HDAC5: variants seen among roughly 807,000 people sequenced by gnomAD.
HDAC5 encodes antigen NY-CO-9.
A neutral mutation model predicts 133.3 loss-of-function variants in HDAC5; 25 were observed. The ratio of observed to expected loss-of-function variants is 0.19; its 90% CI spans 0.14 to 0.26. The LOEUF is 0.26. Among genes scored for constraint, HDAC5 ranks in the 10% least tolerant of loss-of-function variants. The pLI is 1.00. For missense variants in HDAC5, 1,041 were observed against 1,460.5 expected (o/e 0.71, Z 4.68); for synonymous variants, 589 against 610.8 (o/e 0.96, Z 0.53).
chr17:44,079,988 A>C (rs1049648799), intron 23 of HDAC5, 119 bp downstream of exon 23: 2 of 774,370 alleles, frequency 2.6e-6, no homozygotes, highest in African/African-American at 3.4e-5. Context: ...TTCCAAGTCT[A>C]GGCCCTGCCC....
intron 23 of HDAC5, 28 bp downstream of exon 23, chr17:44,080,079 T>C: frequency 6.7e-7 from 1 of 1,488,928 alleles, no homozygotes; most frequent in South Asian, 1.1e-5. Context: ...CTGTTTCACT[T>C]CCTCCCTCAA....
At chr17:44,111,184 C>T (rs1274013018) in intron 2 of HDAC5, 1 of 338,892 alleles carries the variant, frequency 3.0e-6, no homozygotes, top group African/African-American at 2.1e-5. Flanking sequence ...TCCCTCCCAA[C>T]CCTGGGTGAC....
chr17:44,118,346 C>T (rs1053111726), intron 1 of HDAC5, among the ~76,000 whole-genome samples: 1 of 152,200 alleles, frequency 6.6e-6, no homozygotes, highest in African/African-American at 2.4e-5. Flanking sequence ...AGGGCCCAAG[C>T]CCAGCACTTT....
chr17:44,082,686 A>C lies in HDAC5; in HGVS notation c.2520-14T>G. On this transcript the variant is annotated splice_polypyrimidine_tract_variant and intron_variant, in intron 19 of 26. Transcript: ENST00000682912. ...AAGCAGAATCCCCTGAGGAGGGGAG[A>C]AAAGGGCAGGAGGTCAGCCTCAGCA... 6.2e-7 allele frequency: 1 copy of C among 1,613,024 alleles called. No individual in the cohort carries two copies. The highest frequency in any genetic ancestry group is 8.5e-7 in the Non-Finnish European group (1 of 1,179,052).
chr17:44,083,479 C>A (rs2050494523), intron 18 of HDAC5, 66 bp downstream of exon 18: 1 of 1,169,822 alleles, frequency 8.5e-7, no homozygotes, highest in Admixed American at 1.9e-5. Context: ...CAAGGCTGCC[C>A]CTGTCCTCTG....
chr17:44,121,848 C>T (rs1443713629), intron 1 of HDAC5, among the ~76,000 whole-genome samples: 1 of 152,144 alleles, frequency 6.6e-6, no homozygotes, highest in Non-Finnish European at 1.5e-5. Flanking sequence ...TTTCCTCCAT[C>T]CTTGCCCCCA....
chr17:44,091,234 T>C (rs758945835), intron 11 of HDAC5, 36 bp downstream of exon 11: 15 of 1,522,050 alleles, frequency 9.9e-6, no homozygotes, highest in Middle Eastern at 1.7e-4. Flanking sequence ...GTCCTGACCT[T>C]AGCCCCCTCC....
At position 44,079,132 on chromosome 17, in the gene HDAC5, C is replaced by G. The variant is rs772288201; in HGVS notation, c.3078+12G>C. ...CTGGCCTGCCACCTCCCAGCTCCTTCCCACCCCTTACCTCTACACTGAGCA... is the reference window on the plus strand; with the variant it reads ...CTGGCCTGCCACCTCCCAGCTCCTTGCCACCCCTTACCTCTACACTGAGCA... On this transcript the variant is annotated intron_variant, in intron 24 of 26. Transcript: ENST00000682912. The G allele has an allele frequency of 1.4e-5, 22 of 1,607,188 alleles. No individual in the cohort carries two copies. The highest frequency in any genetic ancestry group is 1.8e-5 in the Non-Finnish European group (21 of 1,175,034).
At chr17:44,084,333 C>A (rs550985129) in intron 16 of HDAC5, among the ~76,000 whole-genome samples, 2 of 152,162 alleles carry the variant, frequency 1.3e-5, no homozygotes, top group Admixed American at 6.5e-5. Context: ...AGCAGTCCCC[C>A]CAACCGAGCA....
intron 14 of HDAC5, 65 bp downstream of exon 14, chr17:44,086,507 G>A: frequency 2.4e-6 from 3 of 1,237,438 alleles, no homozygotes; most frequent in Non-Finnish European, 3.1e-6. Context: ...CCTGCCATGG[G>A]GCAGACACCA....
chr17:44,080,528 C>T (rs1225626993), intron 21 of HDAC5, 30 bp from the exon 22 acceptor site: 2 of 1,606,686 alleles, frequency 1.2e-6, no homozygotes, highest in African/African-American at 2.7e-5. Flanking sequence ...GAGGGCTATT[C>T]TCACCACCTG....
chr17:44,118,684 C>T lies in HDAC5; in HGVS notation c.-189-980G>A, dbSNP rs59908555. Among the ~76,000 whole-genome samples the T allele has an allele frequency of 3.9e-3, 594 of 152,270 alleles. 3 individuals carry two copies. The highest frequency in any genetic ancestry group is 0.014 in the African/African-American group (573 of 41,540). On this transcript the variant is annotated intron_variant, in intron 1 of 26. Coordinates refer to ENST00000682912, the MANE Select transcript of HDAC5 (RefSeq NM_005474.5). ...TCCCTAAACGGCCCACGATCCACCC[C>T]AGACATGATCTCATTCATTTGCTTC...
chr17:44,119,728 G>T (rs556034289), intron 1 of HDAC5, among the ~76,000 whole-genome samples: 12 of 152,316 alleles, frequency 7.9e-5, no homozygotes, highest in African/African-American at 2.9e-4. Flanking sequence ...GTCTGATCGG[G>T]ACAAGCACAG....
At chr17:44,102,595 G>T (rs1170501467) in intron 3 of HDAC5, among the ~76,000 whole-genome samples, 1 of 151,636 alleles carries the variant, frequency 6.6e-6, no homozygotes, top group Non-Finnish European at 1.5e-5. Flanking sequence ...TCTTGACCTC[G>T]TGATCCGCCT....
In HDAC5 at chr17:44,087,504, C is replaced by T; in HGVS notation, c.1792G>A (p.Glu598Lys). 1 of 1,600,958 alleles carries T rather than the reference C, an allele frequency of 6.2e-7. No individual in the cohort carries two copies. The highest frequency in any genetic ancestry group is 8.6e-7 in the Non-Finnish European group (1 of 1,168,076). Residue 598 changes from glutamate to lysine, a missense_variant, in exon 13 of 27, where the codon GAG (glutamate) becomes AAG (lysine). Glu to Lys is a moderately conservative substitution (Grantham distance 56). This residue lies in a region of HDAC5 where 433 missense variants were observed against 531.6 expected (regional missense o/e 0.81). Coordinates refer to ENST00000682912, the MANE Select transcript of HDAC5 (RefSeq NM_005474.5). ...TCCTTAACCTGGATGCAATCCTCCT[C>T]CTCCTCCCCATCGTCTTCCTCGTCC... is the stretch of plus-strand genomic sequence containing the variant. ...EEDEEDDGEE[E>K]EDCIQVKDEE...
rs1290610755 is a variant in HDAC5, at chr17:44,123,631, CCAA to C, written c.-320_-318del. 3.0e-5 allele frequency: 12 copies of C among 396,566 alleles called. No individual in the cohort carries two copies. Among genetic ancestry groups the C allele is most frequent in the African/African-American group, 4.1e-5 (2 of 48,432 alleles). 24.6% of individuals were successfully genotyped at this position (396,566 alleles called of 1,614,324 possible). ...CCTCCGGCTCCGCTCGCCGCCGCCA[CCAA>C]CAACAACATTCGGAGACGTCACTCC... On this transcript the variant is annotated 5_prime_UTR_variant, in exon 1 of 27. Coordinates refer to ENST00000682912, the MANE Select transcript of HDAC5 (RefSeq NM_005474.5).
intron 3 of HDAC5, among the ~76,000 whole-genome samples, chr17:44,106,289 A>C (rs2051936692): frequency 6.6e-6 from 1 of 152,192 alleles, no homozygotes; most frequent in South Asian, 2.1e-4. Flanking sequence ...AAATCCCCTC[A>C]GGGAGAAAGA....
rs762928666 is a variant in HDAC5, at chr17:44,083,562, C to T, written c.2446G>A (p.Ala816Thr). ...ACGCTCACCTTGAGCTCTCCTGCAG[C>T]CACCTTGAAGGCCAGCTCCAGCAGG... Reference protein sequence around the residue: ...GCLLELAFKVAAGELKNGFAI... With the variant: ...GCLLELAFKVTAGELKNGFAI... The change falls in exon 18 of 27, where the codon GCT becomes ACT. Residue 816 changes from alanine to threonine, a missense_variant. Ala to Thr is a moderately conservative substitution (Grantham distance 58). Around this residue, in one of 9 missense-constraint regions of HDAC5, gnomAD observed 174 missense variants for 352.7 expected, o/e 0.49. Coordinates refer to ENST00000682912, the MANE Select transcript of HDAC5 (RefSeq NM_005474.5). The T allele has an allele frequency of 5.9e-5, 95 of 1,613,516 alleles. No individual in the cohort carries two copies. Among genetic ancestry groups the T allele is most frequent in the Non-Finnish European group, 7.0e-5 (82 of 1,179,816 alleles).
chr17:44,117,498 CTCG>C lies in HDAC5; in HGVS notation c.15_17del (p.Asn5_Glu6delinsLys). 1 of 1,614,116 alleles carries C rather than the reference CTCG, an allele frequency of 6.2e-7. No individual in the cohort carries two copies. On this transcript the variant is annotated inframe_deletion, in exon 2 of 27. Transcript: ENST00000682912. This position sits in a 1 kb window ranked among gnomAD's most constrained non-coding sequence, Gnocchi z 4.2. The stretch of plus-strand genomic sequence containing the variant: ...CTCCAACCTCCCAGCTCTTACCCGA[CTCG>C]TTGGGAGAGTTCATGCCGGCTCTGG...
Sources: gnomAD v4.1 joint callset for allele counts (sites outside exome capture counted in the v4.1 genomes callset) on GRCh38, gnomAD v4.1.1 for gene constraint, gnomAD v4.1.1 regional missense constraint, Gnocchi (gnomAD v3.1) non-coding constraint, MANE v1.5 for transcripts, NCBI Gene and HGNC (gene_info 2026-07-23, HGNC 2026-07-21) for gene names.